Variants in FRMD6 observed in about 807,000 individuals in gnomAD.
The protein encoded by FRMD6 is FERM domain-containing protein 6.
Under a neutral mutation model 73.2 loss-of-function variants are expected in FRMD6, and 37 were observed. The ratio of observed to expected loss-of-function variants is 0.51; its 90% CI spans 0.39 to 0.66. FRMD6 has a LOEUF of 0.66. Among genes scored for constraint, FRMD6 ranks in the 30% least tolerant of loss-of-function variants. The pLI, the probability that FRMD6 is intolerant of heterozygous loss-of-function variation, is 0.00. For synonymous variants in FRMD6, 273 were observed against 282.2 expected (o/e 0.97, Z 0.33); for missense variants, 714 against 780.5 (o/e 0.91, Z 1.02).
chr14:51,517,319 A>T (rs2357108), intron 1 of FRMD6, among the ~76,000 whole-genome samples: 60,757 of 151,666 alleles, frequency 0.4, 12,392 homozygotes, highest in African/African-American at 0.48. Context: ...CGCTAGGAGC[A>T]GTAATGAGTT....
chr14:51,631,218 A>G (rs1891323899), intron 2 of FRMD6, among the ~76,000 whole-genome samples: 1 of 152,186 alleles, frequency 6.6e-6, no homozygotes, highest in African/African-American at 2.4e-5. Context: ...ATTGCCACCC[A>G]CCACCACCTG....
intron 2 of FRMD6, among the ~76,000 whole-genome samples, chr14:51,638,463 CCGGGCTACTGCT>C (rs1891670184): frequency 6.6e-6 from 1 of 152,114 alleles, no homozygotes; most frequent in South Asian, 2.1e-4. Context: ...ACACTTACTG[CCGGGCTACTGCT>C]CCGGGAGCCA....
intron 1 of FRMD6, among the ~76,000 whole-genome samples, chr14:51,549,149 A>C (rs563870737): frequency 6.6e-6 from 1 of 152,284 alleles, no homozygotes; most frequent in African/African-American, 2.4e-5. Context: ...TTGGATTCCC[A>C]GCACCTAGCT....
intron 2 of FRMD6, among the ~76,000 whole-genome samples, chr14:51,610,252 C>T (rs1890434695): frequency 6.6e-6 from 1 of 151,972 alleles, no homozygotes; most frequent in Admixed American, 6.5e-5. Context: ...CATTATTCCT[C>T]CAACCACTCC....
At chr14:51,580,383 T>C (rs1888653827) in intron 2 of FRMD6, among the ~76,000 whole-genome samples, 1 of 152,228 alleles carries the variant, frequency 6.6e-6, no homozygotes, top group African/African-American at 2.4e-5. Context: ...GAGCACTCCC[T>C]ATGTCACTGT....
At chr14:51,702,938 A>T (rs1464771698) in intron 5 of FRMD6, among the ~76,000 whole-genome samples, 2 of 152,058 alleles carry the variant, frequency 1.3e-5, no homozygotes, top group Non-Finnish European at 2.9e-5. Flanking sequence ...ACTTTTGTAA[A>T]GAGTGAGGAG....
intron 1 of FRMD6, among the ~76,000 whole-genome samples, chr14:51,540,558 G>A (rs1886150673): frequency 6.6e-6 from 1 of 152,086 alleles, no homozygotes; most frequent in Admixed American, 6.6e-5. Flanking sequence ...TGGACAGAAT[G>A]TCTTAAATAA....
intron 1 of FRMD6, among the ~76,000 whole-genome samples, chr14:51,520,711 A>C (rs1350916205): frequency 6.6e-6 from 1 of 152,176 alleles, no homozygotes; most frequent in Non-Finnish European, 1.5e-5. Context: ...CAGCCTAGGC[A>C]ACATGGCAAA....
the FRMD6 span, among the ~76,000 whole-genome samples, chr14:51,472,643 C>T: frequency 6.6e-6 from 1 of 152,170 alleles, no homozygotes; most frequent in African/African-American, 2.4e-5. Context: ...AAGACTTATT[C>T]AAGGAGAACC....
chr14:51,666,091 A>G (rs1357015704), intron 1 of FRMD6, among the ~76,000 whole-genome samples: 1 of 152,228 alleles, frequency 6.6e-6, no homozygotes, highest in Admixed American at 6.5e-5. Flanking sequence ...GAAGAAGTAG[A>G]ACGTAATCAA....
At chr14:51,486,033 T>C (rs947237025), upstream of FRMD6, among the ~76,000 whole-genome samples, 5 of 151,496 alleles carry the variant, frequency 3.3e-5, no homozygotes, top group Non-Finnish European at 5.9e-5. Context: ...TTTTCTTTTT[T>C]TTTTTTTTTT....
intron 1 of FRMD6, among the ~76,000 whole-genome samples, chr14:51,674,055 G>C (rs957082104): frequency 6.6e-6 from 1 of 152,086 alleles, no homozygotes; most frequent in South Asian, 2.1e-4. Context: ...ACTTTCAATT[G>C]GAAGATGCTT....
intron 1 of FRMD6, among the ~76,000 whole-genome samples, chr14:51,559,481 T>TG (rs1266805518): frequency 5.3e-5 from 8 of 149,862 alleles, no homozygotes; most frequent in East Asian, 2.0e-4. Context: ...ACTTTTTTTT[T>TG]TTTTTTTTTT....
At chr14:51,420,585 T>C in the FRMD6 span, among the ~76,000 whole-genome samples, 3 of 152,132 alleles carry the variant, frequency 2.0e-5, no homozygotes, top group Admixed American at 6.5e-5. Context: ...CAAAAATACT[T>C]GGAAAAAAAT....
intron 1 of FRMD6, among the ~76,000 whole-genome samples, chr14:51,659,924 C>T (rs945624069): frequency 2.0e-5 from 3 of 152,148 alleles, no homozygotes; most frequent in African/African-American, 7.2e-5. Flanking sequence ...TTCAAAGAAA[C>T]TTAAGAAAGA....
At chr14:51,528,133 C>T (rs917856381) in intron 1 of FRMD6, among the ~76,000 whole-genome samples, 6 of 152,194 alleles carry the variant, frequency 3.9e-5, no homozygotes, top group South Asian at 2.1e-4. Context: ...CAGAGCAAGA[C>T]GCTGTCTCAA....
At chr14:51,614,572 G>A (rs1486902275) in intron 2 of FRMD6, among the ~76,000 whole-genome samples, 2 of 151,826 alleles carry the variant, frequency 1.3e-5, no homozygotes, top group Non-Finnish European at 2.9e-5. Flanking sequence ...TGTTTTTTGT[G>A]GTCTCTTTTC....
chr14:51,627,867 T>G (rs1459493120), intron 2 of FRMD6, among the ~76,000 whole-genome samples: 1 of 152,216 alleles, frequency 6.6e-6, no homozygotes, highest in African/African-American at 2.4e-5. Context: ...TTCCAGGCTC[T>G]CCCCTCTCTC....
intron 2 of FRMD6, among the ~76,000 whole-genome samples, chr14:51,618,031 T>A (rs1890781761): frequency 6.6e-6 from 1 of 152,138 alleles, no homozygotes; most frequent in African/African-American, 2.4e-5. Context: ...TTACAGTCTA[T>A]GAGTGAAGTT....
Sources: allele counts gnomAD v4.1 joint callset (sites outside exome capture counted in the v4.1 genomes callset), GRCh38; gene constraint gnomAD v4.1.1; transcripts MANE v1.5; gene names NCBI Gene and HGNC (gene_info 2026-07-23, HGNC 2026-07-21).